The following SESTD1 variants were observed in gnomAD, a reference collection of about 807,000 sequenced individuals.
The protein encoded by SESTD1 is SEC14 and spectrin domain containing 1.
A neutral mutation model predicts 101.7 loss-of-function variants in SESTD1; 43 were observed. That is an observed-to-expected ratio of 0.42 (90% CI 0.33 to 0.55). The LOEUF is 0.55. Ranked by LOEUF, SESTD1 falls within the 20% of genes least tolerant of loss-of-function variation. SESTD1 has a pLI of 0.07. For missense variants in SESTD1, 647 were observed against 815.1 expected (o/e 0.79, Z 2.51); for synonymous variants, 283 against 286.8 (o/e 0.99, Z 0.13).
At chr2:179,191,528 T>A (rs763272889) in intron 2 of SESTD1, among the ~76,000 whole-genome samples, 5 of 152,044 alleles carry the variant, frequency 3.3e-5, no homozygotes, top group African/African-American at 7.2e-5. Context: ...AACCTTAGTA[T>A]CATGTAATAT....
intron 5 of SESTD1, among the ~76,000 whole-genome samples, chr2:179,163,012 A>T (rs527935878): frequency 3.8e-4 from 58 of 152,002 alleles, no homozygotes; most frequent in Admixed American, 1.2e-3. Flanking sequence ...AAAAGAATAA[A>T]GGCAAATAAT....
In SESTD1 at chr2:179,229,749, T is replaced by TTGAGTATATA. The variant is rs1491118463; in HGVS notation, c.-26+34749_-26+34750insTATATACTCA. Among the ~76,000 whole-genome samples, 213 of 106,356 alleles carry TTGAGTATATA rather than the reference T, an allele frequency of 2.0e-3. 3 individuals are homozygous for TTGAGTATATA. The highest frequency in any genetic ancestry group is 6.1e-3 in the African/African-American group (182 of 30,026). The allele number at this position is 106,356 out of a possible 152,430, so 69.8% of individuals were successfully genotyped here. A position where few individuals can be genotyped will look rare whatever the true frequency, so the allele number is the denominator to read the frequency against. ...AAGAAATTTAAGATTTTGTAAGAAC[T>TTGAGTATATA]TATATATATATATATATATATATAT... is the stretch of plus-strand genomic sequence containing the variant. On this transcript the variant is annotated intron_variant, in intron 1 of 17. Transcript: ENST00000428443.
intron 1 of SESTD1, among the ~76,000 whole-genome samples, chr2:179,247,599 A>AG (rs1559161060): frequency 1.5e-4 from 1 of 6,658 alleles, no homozygotes. Flanking sequence ...TAATTTGTTA[A>AG]ATTTTTTTTT....
chr2:179,263,741 C>T (rs1389685011), intron 1 of SESTD1, among the ~76,000 whole-genome samples: 1 of 152,212 alleles, frequency 6.6e-6, no homozygotes, highest in African/African-American at 2.4e-5. Context: ...CCCACCCGTA[C>T]CCTCAAGAGC....
chr2:179,149,281 G>T lies in SESTD1; in HGVS notation c.581+16C>A. The stretch of plus-strand genomic sequence containing the variant: ...TAGTTTTGCAAGGATATAATTGCAT[G>T]CCACTAGCCACCTACCTTTCTTTCT... On this transcript the variant is annotated intron_variant, in intron 7 of 17. Coordinates refer to ENST00000428443, the MANE Select transcript of SESTD1 (RefSeq NM_178123.5). 1.9e-6 allele frequency: 3 copies of T among 1,574,338 alleles called. No individual in the cohort carries two copies. Among genetic ancestry groups the T allele is most frequent in the Non-Finnish European group, 2.6e-6 (3 of 1,150,472 alleles).
chr2:179,226,571 T>C (rs1027589993), intron 1 of SESTD1, among the ~76,000 whole-genome samples: 4 of 152,170 alleles, frequency 2.6e-5, no homozygotes, highest in Non-Finnish European at 5.9e-5. Flanking sequence ...GATATGTGCA[T>C]AGAAGTGGTT....
chr2:179,113,229 A>G lies in SESTD1; in HGVS notation c.1840-384T>C, dbSNP rs377560040. On this transcript the variant is annotated intron_variant, in intron 16 of 17. Transcript: ENST00000428443. Reference sequence around the variant, plus strand: ...TTTATTGAACAGTTTATGTTTATGTAGCAGTCTGGAAGGTGAAGGAGGTAT... The same window carrying G: ...TTTATTGAACAGTTTATGTTTATGTGGCAGTCTGGAAGGTGAAGGAGGTAT... 5.1e-4 allele frequency among the ~76,000 whole-genome samples: 77 copies of G among 152,336 alleles called. 2 individuals carry two copies. The South Asian group carries it at 0.015, about 30-fold the overall frequency.
chr2:179,154,754 G>C (rs1003650941), intron 5 of SESTD1, among the ~76,000 whole-genome samples: 6 of 152,072 alleles, frequency 3.9e-5, no homozygotes, highest in African/African-American at 1.4e-4. Flanking sequence ...ATACGAGAAA[G>C]AGAAGTTAAG....
intron 8 of SESTD1, among the ~76,000 whole-genome samples, chr2:179,145,999 C>T (rs113568971): frequency 0.013 from 1,951 of 151,740 alleles, 42 homozygotes; most frequent in African/African-American, 0.044. Flanking sequence ...TATAAAGCTG[C>T]GGTTCCCCCC....
chr2:179,108,200 C>T lies in SESTD1; in HGVS notation c.*1699G>A, dbSNP rs745472956. The T allele has an allele frequency of 9.2e-5, 14 of 151,886 alleles. No individual in the cohort carries two copies. The highest frequency in any genetic ancestry group is 3.1e-4 in the African/African-American group (13 of 41,340). 9.4% of individuals were successfully genotyped at this position (151,886 alleles called of 1,614,324 possible). ...AATAAAAACTCTAAGGATGAGATAC[C>T]GAGAAAAGAGCCAAAAGCATTCTGA... is the stretch of plus-strand genomic sequence containing the variant. On this transcript the variant is annotated 3_prime_UTR_variant, in exon 18 of 18. Transcript: ENST00000428443.
intron 9 of SESTD1, among the ~76,000 whole-genome samples, chr2:179,133,041 CTCT>C (rs1371980255): frequency 1.3e-5 from 2 of 152,220 alleles, no homozygotes; most frequent in East Asian, 1.9e-4. Flanking sequence ...CCCTCTTGGA[CTCT>C]TCTTAGGATC....
rs771411287 is a variant in SESTD1 at position 179,213,178 on chromosome 2, G to C, written c.-25-21312C>G. Among the ~76,000 whole-genome samples, 5 of 134,928 alleles carry C rather than the reference G, an allele frequency of 3.7e-5. 1 individual carries two copies. The highest frequency in any genetic ancestry group is 8.0e-5 in the Non-Finnish European group (5 of 62,812). The allele number at this position is 134,928 out of a possible 152,430, so 88.5% of individuals were successfully genotyped here. ...AAATTGACAGAAGTAGGCTTTAGAA[G>C]GTCAGTAATAACAAAGTTCTCCGAG... On this transcript the variant is annotated intron_variant, in intron 1 of 17. Transcript: ENST00000428443.
rs78203466 is a variant in SESTD1, at chr2:179,123,228, T to C, written c.1282+487A>G. Among the ~76,000 whole-genome samples the C allele has an allele frequency of 2.0e-5, 3 of 152,242 alleles. No homozygotes were observed. The East Asian group carries it at 5.8e-4, about 29-fold the overall frequency. On this transcript the variant is annotated intron_variant, in intron 12 of 17. Transcript: ENST00000428443. ...ATGTAACTGGACCCCTTAATGTAAA[T>C]GTACCCCACTCCTTGGAGAATGGGT...
At chr2:179,124,216 A>G in intron 11 of SESTD1, 148 bp downstream of exon 11, 2 of 741,316 alleles carry the variant, frequency 2.7e-6, no homozygotes, top group Non-Finnish European at 4.2e-6. Flanking sequence ...AAAAAAAATC[A>G]AAGAATTTTA....
chr2:179,203,132 C>T (rs1386347129), intron 1 of SESTD1, among the ~76,000 whole-genome samples: 1 of 134,834 alleles, frequency 7.4e-6, no homozygotes, highest in Non-Finnish European at 1.6e-5. Flanking sequence ...TAATCACAAA[C>T]AACCTGCAGG....
At chr2:179,250,857 C>T (rs971937140) in intron 1 of SESTD1, among the ~76,000 whole-genome samples, 3 of 152,126 alleles carry the variant, frequency 2.0e-5, no homozygotes, top group African/African-American at 4.8e-5. Flanking sequence ...CTATGGGAGA[C>T]AGTTTGGTAA....
At chr2:179,236,071 T>C (rs1463788248) in intron 1 of SESTD1, among the ~76,000 whole-genome samples, 1 of 152,146 alleles carries the variant, frequency 6.6e-6, no homozygotes, top group Non-Finnish European at 1.5e-5. Flanking sequence ...TTCCACTCTA[T>C]TATGATTATC....
At chr2:179,112,928 A>C (rs945460736) in intron 16 of SESTD1, 83 bp from the exon 17 acceptor site, 1 of 1,462,928 alleles carries the variant, frequency 6.8e-7, no homozygotes, top group Admixed American at 2.5e-5. Context: ...CCACAAAAAA[A>C]AAGAGAGAAA....
At chr2:179,134,054 T>C (rs1025563322) in intron 9 of SESTD1, among the ~76,000 whole-genome samples, 5 of 152,342 alleles carry the variant, frequency 3.3e-5, no homozygotes, top group East Asian at 1.9e-4. Flanking sequence ...AGAGTATCCA[T>C]AGGTTATATG....
Sources: gnomAD v4.1 joint callset for allele counts (sites outside exome capture counted in the v4.1 genomes callset) on GRCh38, gnomAD v4.1.1 for gene constraint, MANE v1.5 for transcripts, NCBI Gene and HGNC (gene_info 2026-07-23, HGNC 2026-07-21) for gene names.